Variants in DDIAS observed in about 807,000 individuals in gnomAD.
DDIAS encodes DNA damage induced apoptosis suppressor.
A neutral mutation model predicts 15.7 loss-of-function variants in DDIAS; 14 were observed. That is an observed-to-expected ratio of 0.89 (90% CI 0.59 to 1.39). The LOEUF (loss-of-function observed/expected upper bound fraction) is 1.39, where lower values mean the gene tolerates loss of function less well. DDIAS is among the 40% of genes most tolerant of loss of function. The pLI is 0.00. For missense variants in DDIAS, 1,035 were observed against 1,130.9 expected (o/e 0.92, Z 1.22); for synonymous variants, 355 against 395.9 (o/e 0.90, Z 1.23).
intron 3 of DDIAS, among the ~76,000 whole-genome samples, chr11:82,921,337 A>C (rs931149536): frequency 1.3e-5 from 2 of 152,138 alleles, no homozygotes; most frequent in African/African-American, 4.8e-5. Flanking sequence ...TGTATCTTTT[A>C]AGTGGAACAT....
chr11:82,921,442 T>G (rs1860743756), intron 3 of DDIAS, among the ~76,000 whole-genome samples: 1 of 152,120 alleles, frequency 6.6e-6, no homozygotes, highest in African/African-American at 2.4e-5. Flanking sequence ...TTTTTTGTTT[T>G]TGCTTTTTAA....
intron 3 of DDIAS, among the ~76,000 whole-genome samples, chr11:82,917,502 G>C (rs1860656360): frequency 6.6e-6 from 1 of 152,026 alleles, no homozygotes; most frequent in African/African-American, 2.4e-5. Context: ...CTGAGTAGTA[G>C]TTCATCGTGT....
intron 2 of DDIAS, chr11:82,914,002 T>C (rs995236978): frequency 9.5e-6 from 4 of 421,736 alleles, no homozygotes; most frequent in African/African-American, 8.4e-5. Context: ...CATGGTGCAA[T>C]CTCGGCTCAC....
intron 3 of DDIAS, among the ~76,000 whole-genome samples, chr11:82,918,484 T>C (rs151229595): frequency 2.4e-4 from 36 of 152,376 alleles, no homozygotes; most frequent in Admixed American, 3.9e-4. Flanking sequence ...ACGATGGCCT[T>C]ATAGTACAGT....
intron 1 of DDIAS, among the ~76,000 whole-genome samples, chr11:82,908,110 A>T (rs1028589163): frequency 3.3e-5 from 5 of 152,220 alleles, no homozygotes; most frequent in African/African-American, 9.6e-5. Flanking sequence ...TGAAGGGATA[A>T]CATTAGAGTT....
At chr11:82,909,752 C>T (rs1009003236) in intron 1 of DDIAS, among the ~76,000 whole-genome samples, 1 of 152,138 alleles carries the variant, frequency 6.6e-6, no homozygotes, top group Non-Finnish European at 1.5e-5. Flanking sequence ...AATACATAAT[C>T]GGCTTTGGCA....
Position 82,934,194 on chromosome 11 carries a change from AG to A in DDIAS, c.2857del (p.Val953SerfsTer2), listed in dbSNP as rs746181855. The A allele has an allele frequency of 6.2e-7, 1 of 1,614,140 alleles. No homozygotes were observed. The highest frequency in any genetic ancestry group is 1.1e-5 in the South Asian group (1 of 91,036). On this transcript the variant is annotated frameshift_variant, in exon 6 of 6. Transcript: ENST00000533655. LOFTEE classifies it low-confidence loss of function (END_TRUNC). Reference protein sequence around the residue: ...GWISKCPDIQVLAAPQLHPIL... With the variant: ...GWISKCPDIQXLAAPQLHPIL... ...GGATTTCCAAATGTCCAGACATTCA[AG>A]TCTTAGCAGCACCTCAGCTGCACCC... is the stretch of plus-strand genomic sequence containing the variant.
At position 82,932,499 on chromosome 11, in the gene DDIAS, A is replaced by G. The variant is rs377389092; in HGVS notation, c.1161A>G (p.Arg387=). The part of the protein sequence containing the change: ...GIDTPTSLQK[R]SACCPPSLLR... Reference sequence around the variant, plus strand: ...ATACCCCAACTAGCCTTCAGAAGAGATCTGCATGTTGTCCACCTTCGTTAC... The same window carrying G: ...ATACCCCAACTAGCCTTCAGAAGAGGTCTGCATGTTGTCCACCTTCGTTAC... The change falls in exon 6 of 6, where the codon AGA becomes AGG. Residue 387 remains arginine, a synonymous_variant. Transcript: ENST00000533655. The G allele has an allele frequency of 3.9e-5, 63 of 1,614,054 alleles. No homozygotes were observed. Among genetic ancestry groups the G allele is most frequent in the Non-Finnish European group, 5.1e-5 (60 of 1,180,046 alleles).
At chr11:82,906,983 C>T (rs913030981) in intron 1 of DDIAS, among the ~76,000 whole-genome samples, 5 of 152,042 alleles carry the variant, frequency 3.3e-5, no homozygotes, top group Admixed American at 1.3e-4. Flanking sequence ...AGTCCTTCTA[C>T]GATCTTACTT....
chr11:82,913,768 A>C (rs765864959), intron 2 of DDIAS: 1 of 416,464 alleles, frequency 2.4e-6, no homozygotes, highest in African/African-American at 2.1e-5. Context: ...TACACATTGA[A>C]TATACCTTAT....
At position 82,931,908 on chromosome 11, in the gene DDIAS, C is replaced by G. The variant is rs1427376740; in HGVS notation, c.570C>G (p.Phe190Leu). 1.2e-6 allele frequency: 2 copies of G among 1,614,178 alleles called. No individual in the cohort carries two copies. The highest frequency in any genetic ancestry group is 4.5e-5 in the East Asian group (2 of 44,884). ...ATCAACTTTTGCAGACTTTTAATTT[C>G]AGGAAACTTCAGTGTGACTCTCAGG... is the stretch of plus-strand genomic sequence containing the variant. ...YFHQLLQTFN[F>L]RKLQCDSQAP... Residue 190 changes from phenylalanine (F) to leucine (L), a missense_variant, in exon 6 of 6, where the codon TTC becomes TTG. Physicochemically the swap from Phe to Leu is conservative, Grantham distance 22. Coordinates refer to ENST00000533655, the MANE Select transcript of DDIAS (RefSeq NM_145018.4).
At chr11:82,907,620 G>A (rs1860458358) in intron 1 of DDIAS, among the ~76,000 whole-genome samples, 1 of 152,188 alleles carries the variant, frequency 6.6e-6, no homozygotes, top group Non-Finnish European at 1.5e-5. Flanking sequence ...GCGCACTGCA[G>A]CCTCAATCTC....
chr11:82,919,241 A>G (rs1415702346), intron 3 of DDIAS, among the ~76,000 whole-genome samples: 1 of 152,132 alleles, frequency 6.6e-6, no homozygotes, highest in East Asian at 1.9e-4. Flanking sequence ...TTTGTCATAG[A>G]TGGCTTTTAT....
chr11:82,931,307 G>A (rs909620913), intron 5 of DDIAS, among the ~76,000 whole-genome samples: 51 of 152,132 alleles, frequency 3.4e-4, no homozygotes, highest in African/African-American at 1.2e-3. Context: ...TTGGAATTGG[G>A]GGATGGAGGT....
At chr11:82,915,698 A>G (rs1860619124) in intron 3 of DDIAS, among the ~76,000 whole-genome samples, 2 of 127,864 alleles carry the variant, frequency 1.6e-5, no homozygotes, top group Admixed American at 1.6e-4. Context: ...GCTAGGGCTT[A>G]GTTCATAGAA....
At chr11:82,926,173 T>A (rs558929325) in intron 3 of DDIAS, among the ~76,000 whole-genome samples, 1 of 146,982 alleles carries the variant, frequency 6.8e-6, no homozygotes, top group East Asian at 2.0e-4. Context: ...CACCACAACC[T>A]CTGCCGCCTG....
intron 3 of DDIAS, among the ~76,000 whole-genome samples, chr11:82,925,295 T>C (rs1018418018): frequency 2.6e-5 from 4 of 152,214 alleles, no homozygotes; most frequent in Non-Finnish European, 5.9e-5. Context: ...ATTTCTCGTT[T>C]TATGAGAAAT....
chr11:82,929,180 A>C (rs1323186768), intron 4 of DDIAS, among the ~76,000 whole-genome samples: 1 of 152,196 alleles, frequency 6.6e-6, no homozygotes, highest in Non-Finnish European at 1.5e-5. Flanking sequence ...ATAAATCTCT[A>C]ATCCAAGTTA....
intron 5 of DDIAS, among the ~76,000 whole-genome samples, chr11:82,931,185 TAATA>T (rs765185685): frequency 1.1e-4 from 17 of 152,214 alleles, no homozygotes; most frequent in Non-Finnish European, 2.4e-4. Flanking sequence ...TCAACACTAT[TAATA>T]AATGCGGGAA....
Sources: allele counts gnomAD v4.1 joint callset (sites outside exome capture counted in the v4.1 genomes callset), GRCh38; gene constraint gnomAD v4.1.1; transcripts MANE v1.5; gene names NCBI Gene and HGNC (gene_info 2026-07-23, HGNC 2026-07-21).